Variants in SMAD3 observed in about 807,000 individuals in gnomAD.
SMAD3 encodes the protein SMAD family member 3, also known as MAD homolog 3.
In SMAD3, 12 loss-of-function variants were observed where a neutral mutation model predicts 51.8. That is an observed-to-expected ratio of 0.23 (90% CI 0.15 to 0.38). SMAD3 has a LOEUF of 0.38. SMAD3 is among the 10% of genes least tolerant of loss of function. SMAD3 has a pLI of 1.00. For synonymous variants in SMAD3, 238 were observed against 227.7 expected (o/e 1.05, Z -0.41); for missense variants, 294 against 565.6 (o/e 0.52, Z 4.87).
At chr15:67,129,584 G>T (rs1175904637) in intron 1 of SMAD3, among the ~76,000 whole-genome samples, 1 of 152,138 alleles carries the variant, frequency 6.6e-6, no homozygotes, top group Non-Finnish European at 1.5e-5. Context: ...ATAGAGTTTG[G>T]TACTGTCTCT....
intron 1 of SMAD3, among the ~76,000 whole-genome samples, chr15:67,073,695 A>G (rs1595885583): frequency 6.6e-6 from 1 of 151,968 alleles, no homozygotes; most frequent in Non-Finnish European, 1.5e-5. Context: ...ATTTTTTGAG[A>G]TGGAGTTTCG....
intron 1 of SMAD3, among the ~76,000 whole-genome samples, chr15:67,124,765 G>A (rs1961344874): frequency 6.6e-6 from 1 of 152,180 alleles, no homozygotes; most frequent in South Asian, 2.1e-4. Flanking sequence ...CTCTGTGCCT[G>A]AATGAGGGGC....
intron 1 of SMAD3, among the ~76,000 whole-genome samples, chr15:67,156,068 T>C (rs759021429): frequency 6.6e-6 from 1 of 150,932 alleles, no homozygotes; most frequent in African/African-American, 2.4e-5. Flanking sequence ...GGGAAAGAGA[T>C]GGGGAGGATA....
chr15:67,089,103 G>C (rs556908506), intron 1 of SMAD3, among the ~76,000 whole-genome samples: 1 of 152,192 alleles, frequency 6.6e-6, no homozygotes, highest in East Asian at 1.9e-4. Flanking sequence ...GTCCTGAGTG[G>C]AGCACACCTA....
chr15:67,116,867 G>A (rs946428844), intron 1 of SMAD3, among the ~76,000 whole-genome samples: 1 of 152,206 alleles, frequency 6.6e-6, no homozygotes, highest in Non-Finnish European at 1.5e-5. Context: ...CCCATGATTA[G>A]TGACAATGGC....
intron 1 of SMAD3, among the ~76,000 whole-genome samples, chr15:67,069,214 T>C (rs889164604): frequency 2.6e-5 from 4 of 152,162 alleles, no homozygotes; most frequent in Admixed American, 6.5e-5. Context: ...TACACACTTA[T>C]CGACATAAAG....
chr15:67,104,752 G>A (rs1960839401), intron 1 of SMAD3, among the ~76,000 whole-genome samples: 1 of 152,242 alleles, frequency 6.6e-6, no homozygotes, highest in Admixed American at 6.5e-5. Flanking sequence ...TCCTCTGTGG[G>A]CTTTGCCCAC....
intron 1 of SMAD3, among the ~76,000 whole-genome samples, chr15:67,085,537 T>G (rs896335313): frequency 2.6e-5 from 4 of 152,270 alleles, no homozygotes; most frequent in Middle Eastern, 3.4e-3. Context: ...GAGGACAGGA[T>G]GGAAAGAGGT....
chr15:67,092,302 C>T lies in SMAD3; in HGVS notation c.206+25942C>T, dbSNP rs572061759. Among the ~76,000 whole-genome samples, 9 of 152,320 alleles carry T rather than the reference C, an allele frequency of 5.9e-5. No homozygotes were observed. The South Asian group carries it at 1.9e-3, about 32-fold the overall frequency. ...ATGCTCTAATTTTATATTTTATCAG[C>T]ATTTTCTTATATGTGGCTTTCATAA... On this transcript the variant is annotated intron_variant, in intron 1 of 8. Coordinates refer to ENST00000327367, the MANE Select transcript of SMAD3 (RefSeq NM_005902.4).
chr15:67,169,729 C>T (rs1011931650), intron 4 of SMAD3, among the ~76,000 whole-genome samples: 4 of 151,414 alleles, frequency 2.6e-5, no homozygotes, highest in African/African-American at 9.7e-5. Flanking sequence ...TCTCAAAGTG[C>T]TGGGATTACA....
Position 67,192,300 on chromosome 15 carries a change from TGAG to T in SMAD3, c.*1767_*1769del, listed in dbSNP as rs1191870146. The T allele has an allele frequency of 8.6e-6, 2 of 232,890 alleles. No homozygotes were observed. Among genetic ancestry groups the T allele is most frequent in the Non-Finnish European group, 1.7e-5 (2 of 117,718 alleles). 14.4% of individuals were successfully genotyped at this position (232,890 alleles called of 1,614,324 possible). A position where few individuals can be genotyped will look rare whatever the true frequency, so the allele number is the denominator to read the frequency against. On this transcript the variant is annotated 3_prime_UTR_variant, in exon 9 of 9. Transcript: ENST00000327367. Reference sequence around the variant, plus strand: ...TAGGACAGCTGCTCCCCAAGCCTCCTGAGGACACAGGAAGAGACGGAAGGAGCA... The same window carrying T: ...TAGGACAGCTGCTCCCCAAGCCTCCTGACACAGGAAGAGACGGAAGGAGCA...
At chr15:67,097,444 A>G (rs545859798) in intron 1 of SMAD3, among the ~76,000 whole-genome samples, 139 of 151,968 alleles carry the variant, frequency 9.1e-4, no homozygotes, top group African/African-American at 3.3e-3. Flanking sequence ...GAGTTTCACT[A>G]TGTTGCCCCA....
intron 1 of SMAD3, among the ~76,000 whole-genome samples, chr15:67,152,161 T>C (rs1962164562): frequency 6.6e-6 from 1 of 152,196 alleles, no homozygotes; most frequent in African/African-American, 2.4e-5. Context: ...CTTTTCAGCC[T>C]CTAGTATCTT....
At position 67,191,345 on chromosome 15, in the gene SMAD3, A is replaced by C. The variant is rs1413695648; in HGVS notation, c.*809A>C. 8.6e-6 allele frequency: 2 copies of C among 233,342 alleles called. No homozygotes were observed. The highest frequency in any genetic ancestry group is 6.0e-5 in the East Asian group (1 of 16,746). 14.5% of individuals were successfully genotyped at this position (233,342 alleles called of 1,614,324 possible). A position where few individuals can be genotyped will look rare whatever the true frequency, so the allele number is the denominator to read the frequency against. On this transcript the variant is annotated 3_prime_UTR_variant, in exon 9 of 9. Transcript: ENST00000327367. Reference sequence around the variant, plus strand: ...TCTCAAAGAGATTCGAATGACGGTAAGTGTTCTCATGAAGCAGGAGGCCCT... The same window carrying C: ...TCTCAAAGAGATTCGAATGACGGTACGTGTTCTCATGAAGCAGGAGGCCCT...
chr15:67,138,345 C>T (rs1301039003), intron 1 of SMAD3: 4 of 461,214 alleles, frequency 8.7e-6, no homozygotes, highest in African/African-American at 2.0e-5. Context: ...CTCCCCTGAA[C>T]CCCCCCTCCC....
chr15:67,167,417 G>A (rs991331286), intron 4 of SMAD3, among the ~76,000 whole-genome samples: 1 of 152,184 alleles, frequency 6.6e-6, no homozygotes, highest in African/African-American at 2.4e-5. Context: ...TCCCAGTGTG[G>A]TGGACCTTCA....
chr15:67,164,869 C>CT, intron 1 of SMAD3, 26 bp from the exon 2 acceptor site: 1 of 1,611,706 alleles, frequency 6.2e-7, no homozygotes, highest in Non-Finnish European at 8.5e-7. Flanking sequence ...ATTTCCCTCT[C>CT]TTTCTGCCCC....
At chr15:67,139,208 C>A (rs1328545826) in intron 1 of SMAD3, among the ~76,000 whole-genome samples, 1 of 152,140 alleles carries the variant, frequency 6.6e-6, no homozygotes. Flanking sequence ...TTACGTGGAT[C>A]TTGAGGATTT....
At chr15:67,096,481 T>C (rs1000663862) in intron 1 of SMAD3, among the ~76,000 whole-genome samples, 2 of 152,350 alleles carry the variant, frequency 1.3e-5, no homozygotes, top group Non-Finnish European at 2.9e-5. Context: ...ACAATATAAA[T>C]AGGAGTGGTA....
Sources: gnomAD v4.1 joint callset for allele counts (sites outside exome capture counted in the v4.1 genomes callset) on GRCh38, gnomAD v4.1.1 for gene constraint, MANE v1.5 for transcripts, NCBI Gene and HGNC (gene_info 2026-07-23, HGNC 2026-07-21) for gene names.